SP4: variants seen among roughly 807,000 people sequenced by gnomAD.
The protein encoded by SP4 is transcription factor Sp4.
SP4 carries 19 observed loss-of-function variants against 72.8 expected under a neutral mutation model. The observed-to-expected ratio is 0.26, with a 90% CI of 0.18 to 0.38. The LOEUF is 0.38. Among genes scored for constraint, SP4 ranks in the 10% least tolerant of loss-of-function variants. The pLI is 1.00. For synonymous variants in SP4, 395 were observed against 333.1 expected, an observed-to-expected ratio of 1.19 and a Z score of -2.02; for missense variants, 1,008 against 926.3, an observed-to-expected ratio of 1.09 and a Z score of -1.14.
chr7:21,441,563 TA>T (rs1465640887), intron 3 of SP4, among the ~76,000 whole-genome samples: 1 of 152,180 alleles, frequency 6.6e-6, no homozygotes, highest in Non-Finnish European at 1.5e-5. Context: ...AGATATTGAG[TA>T]AAAATATTTG....
chr7:21,473,947 C>T (rs932117088), intron 3 of SP4, among the ~76,000 whole-genome samples: 7 of 152,090 alleles, frequency 4.6e-5, no homozygotes, highest in Non-Finnish European at 1.0e-4. Context: ...GGAAATAAAG[C>T]AGTATGTTGA....
At chr7:21,472,783 A>AT (rs1554298432) in intron 3 of SP4, among the ~76,000 whole-genome samples, 1,564 of 151,924 alleles carry the variant, frequency 0.01, 30 homozygotes, top group African/African-American at 0.036. Flanking sequence ...TTAAAAAAAA[A>AT]GAAAAAAAAA....
chr7:21,462,953 AT>A (rs1234799388), intron 3 of SP4, among the ~76,000 whole-genome samples: 2 of 152,346 alleles, frequency 1.3e-5, no homozygotes, highest in South Asian at 4.1e-4. Context: ...CATGTGGCTT[AT>A]AAACCTAAAA....
At chr7:21,494,063 A>G (rs551710710) in intron 5 of SP4, among the ~76,000 whole-genome samples, 2 of 152,352 alleles carry the variant, frequency 1.3e-5, no homozygotes, top group South Asian at 4.1e-4. Flanking sequence ...GCAAACACAC[A>G]ATAAATATTT....
chr7:21,455,608 AG>A (rs1429359457), intron 3 of SP4, among the ~76,000 whole-genome samples: 2 of 152,196 alleles, frequency 1.3e-5, no homozygotes, highest in Non-Finnish European at 2.9e-5. Context: ...TACCCATTTG[AG>A]AACATTGGAG....
At chr7:21,442,097 G>A (rs1783277206) in intron 3 of SP4, among the ~76,000 whole-genome samples, 1 of 144,648 alleles carries the variant, frequency 6.9e-6, no homozygotes, top group African/African-American at 2.6e-5. Context: ...GGAGTGCAGT[G>A]CCACAATCTC....
At chr7:21,468,517 A>C in intron 3 of SP4, among the ~76,000 whole-genome samples, 1 of 150,502 alleles carries the variant, frequency 6.6e-6, no homozygotes, top group South Asian at 2.1e-4. Context: ...TTATGAATGG[A>C]ATTTTTTTTT....
At chr7:21,482,223 A>T in intron 5 of SP4, 100 bp downstream of exon 5, 1 of 868,902 alleles carries the variant, frequency 1.2e-6, no homozygotes, top group Admixed American at 2.3e-5. Context: ...TATGCAAATG[A>T]AGGAGAAGGC....
At chr7:21,464,184 C>T (rs1784090141) in intron 3 of SP4, among the ~76,000 whole-genome samples, 1 of 144,350 alleles carries the variant, frequency 6.9e-6, no homozygotes, top group South Asian at 2.2e-4. Context: ...GAGTGCATGG[C>T]CTCCCGGGTT....
At chr7:21,486,821 G>C (rs1427826069) in intron 5 of SP4, among the ~76,000 whole-genome samples, 1 of 152,184 alleles carries the variant, frequency 6.6e-6, no homozygotes, top group Non-Finnish European at 1.5e-5. Flanking sequence ...AGAGAACTAA[G>C]CTTCACCTCC....
At chr7:21,441,477 C>T (rs1237884337) in intron 3 of SP4, among the ~76,000 whole-genome samples, 3 of 152,156 alleles carry the variant, frequency 2.0e-5, no homozygotes, top group Non-Finnish European at 4.4e-5. Flanking sequence ...CATTTCCTAA[C>T]ATTTTGTTTC....
At chr7:21,508,061 C>T (rs571363702) in intron 5 of SP4, among the ~76,000 whole-genome samples, 1 of 152,184 alleles carries the variant, frequency 6.6e-6, no homozygotes, top group East Asian at 1.9e-4. Flanking sequence ...CTGCTTTTCT[C>T]CCTGTGTCGC....
In SP4 at chr7:21,477,148, G is replaced by A; in HGVS notation, c.1748G>A (p.Gly583Glu). 1 of 1,614,032 alleles carries A rather than the reference G, an allele frequency of 6.2e-7. No individual in the cohort carries two copies. ...ATAGCTCCTGTAACTGTAGCAGTTG[G>A]AGGAATTGCTAATGCCACGATAGGT... ...ATIAPVTVAVGGIANATIGAV... is the reference protein window; with the variant it reads ...ATIAPVTVAVEGIANATIGAV... The change falls in exon 4 of 6, where the codon GGA becomes GAA. Residue 583 changes from glycine (G) to glutamate (E), a missense_variant. By Grantham distance (98) the Gly-to-Glu change is moderately conservative. Coordinates refer to ENST00000222584, the MANE Select transcript of SP4 (RefSeq NM_003112.5).
chr7:21,456,847 A>G (rs6461565), intron 3 of SP4, among the ~76,000 whole-genome samples: 119,351 of 152,204 alleles, frequency 0.78, 47,701 homozygotes, highest in African/African-American at 0.94. Context: ...TGCCTGATGT[A>G]GACCCCAAGG....
intron 5 of SP4, among the ~76,000 whole-genome samples, chr7:21,489,117 G>A (rs994440630): frequency 3.3e-5 from 5 of 152,042 alleles, no homozygotes; most frequent in Admixed American, 6.5e-5. Flanking sequence ...AATATATGAC[G>A]ACTTAGTGTT....
chr7:21,459,245 G>C (rs1441188218), intron 3 of SP4, among the ~76,000 whole-genome samples: 8 of 152,110 alleles, frequency 5.3e-5, no homozygotes, highest in Non-Finnish European at 1.0e-4. Context: ...TCAGCTTCCT[G>C]GGTAGCTGGT....
chr7:21,446,902 C>CT (rs1435039565), intron 3 of SP4, among the ~76,000 whole-genome samples: 1 of 151,274 alleles, frequency 6.6e-6, no homozygotes, highest in East Asian at 1.9e-4. Flanking sequence ...AATATTGACT[C>CT]TAACGCTATT....
chr7:21,442,148 C>T (rs909790977), intron 3 of SP4, among the ~76,000 whole-genome samples: 34 of 151,234 alleles, frequency 2.2e-4, no homozygotes, highest in African/African-American at 8.0e-4. Flanking sequence ...AAGTGATTCT[C>T]CTCCCTCAGC....
At chr7:21,463,427 C>A (rs924297551) in intron 3 of SP4, among the ~76,000 whole-genome samples, 15 of 152,254 alleles carry the variant, frequency 9.9e-5, no homozygotes, top group Middle Eastern at 3.4e-3. Context: ...TAATCTCTTT[C>A]CTTGGTGTTT....
Sources: allele counts gnomAD v4.1 joint callset (sites outside exome capture counted in the v4.1 genomes callset), GRCh38; gene constraint gnomAD v4.1.1; transcripts MANE v1.5; gene names NCBI Gene and HGNC (gene_info 2026-07-23, HGNC 2026-07-21).